Variants in TMPRSS13 observed in about 807,000 individuals in gnomAD.
The protein encoded by TMPRSS13 is transmembrane serine protease 13.
Under a neutral mutation model 68.4 loss-of-function variants are expected in TMPRSS13, and 50 were observed. The ratio of observed to expected loss-of-function variants is 0.73; its 90% CI spans 0.58 to 0.93. The LOEUF (loss-of-function observed/expected upper bound fraction) is 0.93, where lower values mean the gene tolerates loss of function less well. Ranked by LOEUF, TMPRSS13 falls within the 40% of genes least tolerant of loss-of-function variation. The pLI is 0.00. For synonymous variants in TMPRSS13, 267 were observed against 285.8 expected (o/e 0.93, Z 0.66); for missense variants, 615 against 729.2 (o/e 0.84, Z 1.80).
chr11:117,924,080 C>T (rs7121250), intron 1 of TMPRSS13, among the ~76,000 whole-genome samples: 12,299 of 151,014 alleles, frequency 0.081, 1,617 homozygotes, highest in African/African-American at 0.28. Context: ...GTGGTGGCGC[C>T]GGCCTGTAGT....
chr11:117,926,101 G>C (rs1026681220), intron 1 of TMPRSS13, among the ~76,000 whole-genome samples: 2 of 147,862 alleles, frequency 1.4e-5, no homozygotes, highest in African/African-American at 5.0e-5. Flanking sequence ...GACGAGGTGA[G>C]GGATGCACAC....
chr11:117,902,060 A>G lies in TMPRSS13; in HGVS notation c.*179T>C, dbSNP rs1280215528. 11 of 673,366 alleles carry G rather than the reference A, an allele frequency of 1.6e-5. No individual in the cohort carries two copies. The East Asian group carries it at 3.0e-4, about 19-fold the overall frequency. The allele number at this position is 673,366 out of a possible 1,614,324, so 41.7% of individuals were successfully genotyped here. On this transcript the variant is annotated 3_prime_UTR_variant, in exon 13 of 13. Coordinates refer to ENST00000524993, the MANE Select transcript of TMPRSS13 (RefSeq NM_001077263.3). ...TTCTGAAAAACTTGGGAGAGTGGCA[A>G]TGCACACATATGCACACACACACAC... is the stretch of plus-strand genomic sequence containing the variant.
intron 5 of TMPRSS13, among the ~76,000 whole-genome samples, chr11:117,912,085 A>G (rs1279829519): frequency 6.6e-6 from 1 of 152,018 alleles, no homozygotes; most frequent in Non-Finnish European, 1.5e-5. Flanking sequence ...CAAGATCCCC[A>G]GCCCTATGCA....
rs992027004 is a variant in TMPRSS13 at position 117,902,072 on chromosome 11, G to A, written c.*167C>T. 3.1e-6 allele frequency: 2 copies of A among 646,456 alleles called. No individual in the cohort carries two copies. The highest frequency in any genetic ancestry group is 5.4e-6 in the Non-Finnish European group (2 of 368,840). 40.0% of individuals were successfully genotyped at this position (646,456 alleles called of 1,614,324 possible). ...TGGGAGAGTGGCAATGCACACATAT[G>A]CACACACACACACACACACACACAC... On this transcript the variant is annotated 3_prime_UTR_variant, in exon 13 of 13. Transcript: ENST00000524993.
rs781307084 is a variant in TMPRSS13 at position 117,911,759 on chromosome 11, C to T, written c.902+9G>A. ...CTCACAAACAGGCAGCCTGCCTGCC[C>T]CACCATACCTGTGGAGGCTTTCCTG... On this transcript the variant is annotated intron_variant, in intron 6 of 12. Transcript: ENST00000524993. 6.2e-7 allele frequency: 1 copy of T among 1,612,922 alleles called. No homozygotes were observed. The highest frequency in any genetic ancestry group is 8.5e-7 in the Non-Finnish European group (1 of 1,179,264).
In TMPRSS13 at chr11:117,913,839, G is replaced by A. The variant is rs770422532; in HGVS notation, c.747C>T (p.Ile249=). The A allele has an allele frequency of 1.9e-6, 3 of 1,614,144 alleles. No homozygotes were observed. The Admixed American group carries it at 5.0e-5, about 27-fold the overall frequency. The change falls in exon 5 of 13, where the codon ATC becomes ATT. Residue 249 remains isoleucine (I), a synonymous_variant. Transcript: ENST00000524993. ...YSGSSHQWLP[I]CSSNWNDSYS... ...AGGAGTCATTCCAGTTGCTGCTACA[G>A]ATGGGAAGCCACTGATGGGAGGACC...
At chr11:117,903,445 C>T (rs1274601650) in intron 12 of TMPRSS13, 12 of 1,536,846 alleles carry the variant, frequency 7.8e-6, no homozygotes, top group Admixed American at 2.0e-5. Flanking sequence ...TTTCAACCCG[C>T]TGAGCTCTGT....
intron 7 of TMPRSS13, among the ~76,000 whole-genome samples, chr11:117,910,395 A>G (rs532712286): frequency 2.0e-5 from 3 of 152,222 alleles, no homozygotes; most frequent in Non-Finnish European, 4.4e-5. Flanking sequence ...ATTGACAAGC[A>G]TTATAATGAG....
In TMPRSS13 at chr11:117,914,242, CAT is replaced by C. The variant is rs1446779150; in HGVS notation, c.679+148_679+149del. The C allele has an allele frequency of 9.3e-7, 1 of 1,078,122 alleles. No individual in the cohort carries two copies. The highest frequency in any genetic ancestry group is 1.8e-5 in the Admixed American group (1 of 54,250). The allele number at this position is 1,078,122 out of a possible 1,614,324, so 66.8% of individuals were successfully genotyped here. ...GCACACACACATACGTGCACACACA[CAT>C]ACATGCATACACACAAACATGCACA... On this transcript the variant is annotated intron_variant, in intron 4 of 12. Transcript: ENST00000524993. This position sits in a 1 kb window ranked among gnomAD's most constrained non-coding sequence, Gnocchi z 4.2.
At chr11:117,923,544 C>T (rs563828203) in intron 1 of TMPRSS13, among the ~76,000 whole-genome samples, 3 of 152,222 alleles carry the variant, frequency 2.0e-5, no homozygotes, top group African/African-American at 7.2e-5. Flanking sequence ...TAAGCAGCAG[C>T]CTGAACTTGG....
chr11:117,918,686 C>T lies in TMPRSS13; in HGVS notation c.174G>A (p.Gln58=). The T allele has an allele frequency of 2.5e-6, 4 of 1,603,730 alleles. No individual in the cohort carries two copies. Among genetic ancestry groups the T allele is most frequent in the Non-Finnish European group, 3.4e-6 (4 of 1,174,750 alleles). ...CTGGAGGTGTACCAGCTGGAGATGC[C>T]TGGGCTGGAGATGCCCGGCCCGGAG... ...GTPPGRASPA[Q]ASPAGTPPGR... The change falls in exon 2 of 13, where the codon CAG becomes CAA. Residue 58 remains glutamine (Q), a synonymous_variant. Coordinates refer to ENST00000524993, the MANE Select transcript of TMPRSS13 (RefSeq NM_001077263.3).
chr11:117,903,847 T>C, intron 11 of TMPRSS13, 40 bp from the exon 12 acceptor site: 1 of 1,602,968 alleles, frequency 6.2e-7, no homozygotes, highest in Non-Finnish European at 8.5e-7. Flanking sequence ...ATGGGACAGG[T>C]GGTCCATGAG....
At position 117,929,302 on chromosome 11, in the gene TMPRSS13, C is replaced by T; in HGVS notation, c.6G>A (p.Glu2=). The T allele has an allele frequency of 6.2e-7, 1 of 1,606,062 alleles. No individual in the cohort carries two copies. The highest frequency in any genetic ancestry group is 1.1e-5 in the South Asian group (1 of 89,234). Residue 2 remains glutamate, a synonymous_variant, in exon 1 of 13, where the codon GAG becomes GAA. Transcript: ENST00000524993. ...TCACACTCACCCCGTGGCTGTCCCT[C>T]TCCATGGTCTCTGAGGGGAAGAGTC... M[E]RDSHGNASPA...
At chr11:117,917,828 T>A (rs1280645546) in intron 2 of TMPRSS13, among the ~76,000 whole-genome samples, 1 of 152,138 alleles carries the variant, frequency 6.6e-6, no homozygotes, top group East Asian at 1.9e-4. Context: ...AATTCTGGGA[T>A]GGGAGGAGGG....
At position 117,924,774 on chromosome 11, in the gene TMPRSS13, C is replaced by G. The variant is rs1280823347; in HGVS notation, c.21+4513G>C. 3.3e-5 allele frequency among the ~76,000 whole-genome samples: 5 copies of G among 152,188 alleles called. No homozygotes were observed. In the East Asian group the frequency reaches 5.8e-4, roughly 18 times the overall value. On this transcript the variant is annotated intron_variant, in intron 1 of 12. Transcript: ENST00000524993. Reference sequence around the variant, plus strand: ...CCCAAGGCCCTTTCCTACTCTCCCCCTCCCCGAACCCAGAGAAACCCCACA... The same window carrying G: ...CCCAAGGCCCTTTCCTACTCTCCCCGTCCCCGAACCCAGAGAAACCCCACA...
intron 12 of TMPRSS13, 177 bp downstream of exon 12, chr11:117,903,478 A>C (rs2057429252): frequency 1.3e-6 from 2 of 1,540,108 alleles, no homozygotes; most frequent in Non-Finnish European, 1.7e-6. Context: ...AAAGCAGGGA[A>C]AGAAACACAG....
Position 117,902,111 on chromosome 11 carries a change from GCAGA to G in TMPRSS13, c.*124_*127del. The G allele has an allele frequency of 1.0e-6, 1 of 957,754 alleles. No homozygotes were observed. Among genetic ancestry groups the G allele is most frequent in the Non-Finnish European group, 1.6e-6 (1 of 617,466 alleles). The allele number at this position is 957,754 out of a possible 1,614,324, so 59.3% of individuals were successfully genotyped here. ...ACACACACACACACACACAGAGGCA[GCAGA>G]CAGTGGAGGTGGGAGTCCGATGGTG... On this transcript the variant is annotated 3_prime_UTR_variant, in exon 13 of 13. Transcript: ENST00000524993.
intron 6 of TMPRSS13, 47 bp downstream of exon 6, chr11:117,911,711 TCTCCTACCCA>T (rs2057524716): frequency 1.4e-6 from 2 of 1,460,426 alleles, no homozygotes; most frequent in African/African-American, 2.8e-5. Flanking sequence ...TCAAAGACCC[TCTCCTACCCA>T]CTCCTTCCCC....
At chr11:117,902,930 C>T in intron 12 of TMPRSS13, 1 of 1,003,258 alleles carries the variant, frequency 1.0e-6, no homozygotes, top group Non-Finnish European at 1.2e-6. Context: ...ATCAAGTATT[C>T]CAAAGGCCAA....
Sources: gnomAD v4.1 joint callset for allele counts (sites outside exome capture counted in the v4.1 genomes callset) on GRCh38, gnomAD v4.1.1 for gene constraint, Gnocchi (gnomAD v3.1) non-coding constraint, MANE v1.5 for transcripts, NCBI Gene and HGNC (gene_info 2026-07-23, HGNC 2026-07-21) for gene names.